Variants in RALYL observed in about 807,000 individuals in gnomAD.
The protein encoded by RALYL is RALY RNA binding protein like, also known as RNA-binding Raly-like protein.
In RALYL, 29 loss-of-function variants were observed where a neutral mutation model predicts 35.1. The observed-to-expected ratio is 0.83, with a 90% CI of 0.61 to 1.13. RALYL has a LOEUF of 1.13. Among genes scored for constraint, RALYL ranks in the 50% most tolerant of loss-of-function variants. The probability of loss-of-function intolerance (pLI) is 0.00; values close to 1 mark genes in which losing one functional copy is unlikely to be tolerated. For missense variants in RALYL, 359 were observed against 360.4 expected (o/e 1.00, Z 0.03); for synonymous variants, 120 against 127.6 (o/e 0.94, Z 0.40).
chr8:84,551,840 C>G (rs768406657), intron 2 of RALYL, among the ~76,000 whole-genome samples: 12 of 151,994 alleles, frequency 7.9e-5, no homozygotes, highest in Non-Finnish European at 1.5e-5. Context: ...CTAGCTTGGA[C>G]CAAGATGGTA....
chr8:84,538,342 C>T (rs2059767680), intron 2 of RALYL, among the ~76,000 whole-genome samples: 1 of 152,076 alleles, frequency 6.6e-6, no homozygotes, highest in Non-Finnish European at 1.5e-5. Context: ...CTTGTTGTTA[C>T]TTAATTCCTA....
chr8:84,520,430 C>T (rs2058373653), intron 1 of RALYL, among the ~76,000 whole-genome samples: 2 of 152,174 alleles, frequency 1.3e-5, no homozygotes, highest in South Asian at 2.1e-4. Context: ...GATCTTACTT[C>T]TTTAAGTCTC....
chr8:84,575,436 T>C (rs1232442791), intron 2 of RALYL, among the ~76,000 whole-genome samples: 1 of 152,218 alleles, frequency 6.6e-6, no homozygotes, highest in South Asian at 2.1e-4. Context: ...AAATTTTTAA[T>C]GAAATAATTT....
chr8:84,602,779 C>T (rs1351885882), intron 2 of RALYL, among the ~76,000 whole-genome samples: 1 of 152,162 alleles, frequency 6.6e-6, no homozygotes, highest in East Asian at 1.9e-4. Context: ...TCCTGGCCCT[C>T]GTTGAACTTA....
intron 1 of RALYL, among the ~76,000 whole-genome samples, chr8:84,234,022 T>TG (rs1409562793): frequency 3.3e-5 from 5 of 152,218 alleles, no homozygotes; most frequent in African/African-American, 1.2e-4. Flanking sequence ...TTGATTGTCT[T>TG]GCCTTCCTTT....
At chr8:84,243,937 C>G (rs1200414396) in intron 1 of RALYL, among the ~76,000 whole-genome samples, 1 of 152,086 alleles carries the variant, frequency 6.6e-6, no homozygotes, top group Non-Finnish European at 1.5e-5. Context: ...TAGTCAGTTG[C>G]TATTATTCTA....
intron 1 of RALYL, among the ~76,000 whole-genome samples, chr8:84,464,107 C>A (rs1324938361): frequency 6.7e-6 from 1 of 148,968 alleles, no homozygotes; most frequent in Non-Finnish European, 1.5e-5. Context: ...AAGTCCAGAT[C>A]ATTATTTAAA....
At chr8:84,783,103 T>C (rs1818575455) in intron 3 of RALYL, among the ~76,000 whole-genome samples, 1 of 79,038 alleles carries the variant, frequency 1.3e-5, no homozygotes, top group Non-Finnish European at 2.5e-5. Flanking sequence ...TTCCAGGATA[T>C]GTTTTTCCTT....
chr8:84,867,224 C>T (rs1447269907), intron 6 of RALYL, among the ~76,000 whole-genome samples: 1 of 152,146 alleles, frequency 6.6e-6, no homozygotes, highest in Non-Finnish European at 1.5e-5. Flanking sequence ...TTAGACCCCT[C>T]TATGTTACAA....
chr8:84,839,776 G>A (rs1267637067), intron 4 of RALYL, among the ~76,000 whole-genome samples: 4 of 152,328 alleles, frequency 2.6e-5, no homozygotes, highest in South Asian at 2.1e-4. Flanking sequence ...AAAACTTCCA[G>A]AGGAACGATC....
At chr8:84,582,053 A>G (rs755208186) in intron 2 of RALYL, among the ~76,000 whole-genome samples, 1 of 152,160 alleles carries the variant, frequency 6.6e-6, no homozygotes, top group Non-Finnish European at 1.5e-5. Context: ...AACATTTATA[A>G]TTAATTAAAC....
At chr8:84,886,685 G>A (rs932498330) in intron 7 of RALYL, among the ~76,000 whole-genome samples, 9 of 152,146 alleles carry the variant, frequency 5.9e-5, no homozygotes, top group Admixed American at 4.6e-4. Context: ...CCACCCACTA[G>A]AGGAAATAAT....
chr8:84,454,650 C>T (rs1326688043), intron 1 of RALYL, among the ~76,000 whole-genome samples: 1 of 152,058 alleles, frequency 6.6e-6, no homozygotes, highest in Admixed American at 6.6e-5. Flanking sequence ...ACTTGGCATT[C>T]GCCTTCGCAT....
intron 1 of RALYL, among the ~76,000 whole-genome samples, chr8:84,309,224 G>A (rs1032564222): frequency 6.6e-6 from 1 of 150,954 alleles, no homozygotes; most frequent in African/African-American, 2.4e-5. Flanking sequence ...AATTAATTAG[G>A]TGCATTAATG....
chr8:84,262,307 T>A (rs190938220), intron 1 of RALYL, among the ~76,000 whole-genome samples: 106 of 152,296 alleles, frequency 7.0e-4, no homozygotes, highest in African/African-American at 2.5e-3. Context: ...TTTGTTCTGA[T>A]TCACAATGGA....
chr8:84,384,349 C>A (rs1251352312), intron 1 of RALYL, among the ~76,000 whole-genome samples: 2 of 151,644 alleles, frequency 1.3e-5, no homozygotes, highest in Non-Finnish European at 2.9e-5. Flanking sequence ...TCCATATGAA[C>A]CTGAAGCAAT....
At position 84,428,447 on chromosome 8, in the gene RALYL, C is replaced by T. The variant is rs951708879; in HGVS notation, c.-23-100852C>T. ...TACGATTTAGATCACTTACCTTTTTCTTCCTTATTTTTCTTGAGTAGGGTT... is the reference window on the plus strand; with the variant it reads ...TACGATTTAGATCACTTACCTTTTTTTTCCTTATTTTTCTTGAGTAGGGTT... On this transcript the variant is annotated intron_variant, in intron 1 of 8. Coordinates refer to ENST00000521268, the MANE Select transcript of RALYL (RefSeq NM_173848.7). Among the ~76,000 whole-genome samples the T allele has an allele frequency of 1.5e-3, 231 of 152,144 alleles. 2 individuals carry two copies. Among genetic ancestry groups the T allele is most frequent in the African/African-American group, 4.5e-3 (185 of 41,544 alleles).
chr8:84,804,314 A>C (rs1824079342), intron 3 of RALYL, among the ~76,000 whole-genome samples: 1 of 152,208 alleles, frequency 6.6e-6, no homozygotes, highest in Non-Finnish European at 1.5e-5. Context: ...TGTTAAGACC[A>C]ATAAATAACT....
intron 1 of RALYL, among the ~76,000 whole-genome samples, chr8:84,269,459 A>T (rs1212252309): frequency 6.6e-6 from 1 of 152,172 alleles, no homozygotes; most frequent in East Asian, 1.9e-4. Flanking sequence ...GAAATATATT[A>T]TTTGTTGTCT....
Sources: gnomAD v4.1 joint callset for allele counts (sites outside exome capture counted in the v4.1 genomes callset) on GRCh38, gnomAD v4.1.1 for gene constraint, MANE v1.5 for transcripts, NCBI Gene and HGNC (gene_info 2026-07-23, HGNC 2026-07-21) for gene names.